Variants in PUDP observed in about 807,000 individuals in gnomAD.
PUDP encodes the protein pseudouridine-5'-phosphatase.
A neutral mutation model predicts 9.4 loss-of-function variants in PUDP; 8 were observed. The ratio of observed to expected loss-of-function variants is 0.85; its 90% CI spans 0.50 to 1.53. The LOEUF (loss-of-function observed/expected upper bound fraction) is 1.53, where lower values mean the gene tolerates loss of function less well. Ranked by LOEUF, PUDP falls within the 40% of genes most tolerant of loss-of-function variation. The pLI is 0.00. For missense variants in PUDP, 188 were observed against 189.7 expected, an observed-to-expected ratio of 0.99 and a Z score of 0.05; for synonymous variants, 99 against 80.7, an observed-to-expected ratio of 1.23 and a Z score of -1.22.
At chrX:7,122,345 A>C (rs1932366312) in intron 1 of PUDP, among the ~76,000 whole-genome samples, 1 of 111,423 alleles carries the variant, frequency 9.0e-6, no homozygotes, top group South Asian at 3.8e-4. Flanking sequence ...TCTCTCTCCC[A>C]TTTAAAAGCA....
intron 3 of PUDP, among the ~76,000 whole-genome samples, chrX:7,055,618 T>C (rs1310894335): frequency 6.3e-5 from 7 of 110,971 alleles, no homozygotes; most frequent in Non-Finnish European, 1.3e-4. Flanking sequence ...CACTTGTAAA[T>C]AGGACCACAC....
Position 6,990,167 on chromosome X carries a change from C to T in PUDP, c.205-11824G>A, listed in dbSNP as rs1197787800. On this transcript the variant is annotated intron_variant and NMD_transcript_variant, in intron 1 of 3. Transcript: ENST00000655425. ...CACACACACAAAGGCTGTTATCTCC[C>T]AACTTCCTGAGAAATGCTTATGCAG... is the stretch of plus-strand genomic sequence containing the variant. Among the ~76,000 whole-genome samples, 4 of 111,513 alleles carry T rather than the reference C, an allele frequency of 3.6e-5. No homozygotes were observed. In the Admixed American group the frequency reaches 3.8e-4, roughly 11 times the overall value.
intron 3 of PUDP, among the ~76,000 whole-genome samples, chrX:6,879,228 G>A (rs774358296): frequency 3.7e-4 from 41 of 112,183 alleles, no homozygotes; most frequent in African/African-American, 1.2e-3. Flanking sequence ...GGCCAAGGAG[G>A]ATAATGCTCA....
chrX:7,060,363 G>A (rs1254039381), intron 3 of PUDP, among the ~76,000 whole-genome samples: 1 of 112,140 alleles, frequency 8.9e-6, no homozygotes, highest in Non-Finnish European at 1.9e-5. Context: ...CCATATTAAC[G>A]TTCAATTCTA....
intron 3 of PUDP, among the ~76,000 whole-genome samples, chrX:6,925,999 A>C (rs1259856120): frequency 9.0e-6 from 1 of 111,464 alleles, no homozygotes; most frequent in Non-Finnish European, 1.9e-5. Flanking sequence ...CTGTATTTTA[A>C]CATGAATGCT....
At chrX:6,845,696 T>C (rs1342227826) in intron 3 of PUDP, among the ~76,000 whole-genome samples, 3 of 112,322 alleles carry the variant, frequency 2.7e-5, no homozygotes, top group Non-Finnish European at 5.6e-5. Flanking sequence ...CTCACTGATA[T>C]CTTGAAAGGA....
chrX:6,879,239 A>G (rs1927310439), intron 3 of PUDP, among the ~76,000 whole-genome samples: 1 of 112,217 alleles, frequency 8.9e-6, no homozygotes, highest in Non-Finnish European at 1.9e-5. Flanking sequence ...ATAATGCTCA[A>G]AAAGACTTCT....
intron 3 of PUDP, among the ~76,000 whole-genome samples, chrX:6,893,054 TA>T (rs1198720455): frequency 8.9e-6 from 1 of 112,641 alleles, no homozygotes. Flanking sequence ...AAAACTACTT[TA>T]TAAGGAATAC....
intron 3 of PUDP, among the ~76,000 whole-genome samples, chrX:6,895,609 A>C (rs1927579626): frequency 9.0e-6 from 1 of 111,033 alleles, no homozygotes; most frequent in African/African-American, 3.3e-5. Context: ...CCAAGGAATG[A>C]GTCAAATTGC....
At chrX:6,732,983 C>A (rs999167619) in intron 3 of PUDP, among the ~76,000 whole-genome samples, 10 of 111,896 alleles carry the variant, frequency 8.9e-5, no homozygotes, top group African/African-American at 2.9e-4. Context: ...CATTCAGGAA[C>A]GGTCTCTCAA....
chrX:6,822,892 TTTAAG>T (rs1926369491), intron 3 of PUDP, among the ~76,000 whole-genome samples: 1 of 110,536 alleles, frequency 9.0e-6, no homozygotes, highest in African/African-American at 3.3e-5. Context: ...TTCCCTGTTT[TTTAAG>T]TTTTCATTTC....
intron 3 of PUDP, among the ~76,000 whole-genome samples, chrX:6,793,458 G>A (rs4914921): frequency 0.14 from 15,791 of 111,390 alleles, 915 homozygotes; most frequent in East Asian, 0.26. Flanking sequence ...TGGGAATTAA[G>A]TTCCAACATT....
At chrX:7,075,428 C>T (rs1930864694) in intron 3 of PUDP, among the ~76,000 whole-genome samples, 1 of 111,499 alleles carries the variant, frequency 9.0e-6, no homozygotes, top group African/African-American at 3.3e-5. Flanking sequence ...TCGCTTGAAC[C>T]CGGGAGGTGG....
chrX:6,826,620 A>G (rs1027816849), intron 3 of PUDP, among the ~76,000 whole-genome samples: 1 of 112,409 alleles, frequency 8.9e-6, no homozygotes, highest in African/African-American at 3.2e-5. Context: ...GTGGATGTAC[A>G]ACGTAGCAAA....
intron 1 of PUDP, among the ~76,000 whole-genome samples, chrX:7,035,870 G>T (rs1331545737): frequency 8.9e-6 from 1 of 111,772 alleles, no homozygotes; most frequent in East Asian, 2.8e-4. Flanking sequence ...AGCTGTTTGG[G>T]TCATGGGGAC....
intron 3 of PUDP, among the ~76,000 whole-genome samples, chrX:6,744,370 T>C (rs1924973568): frequency 9.0e-6 from 1 of 111,615 alleles, no homozygotes; most frequent in Non-Finnish European, 1.9e-5. Flanking sequence ...AATTGAACAA[T>C]ATATAACAGC....
chrX:7,127,476 C>T (rs1165373612), intron 1 of PUDP, among the ~76,000 whole-genome samples: 1 of 112,222 alleles, frequency 8.9e-6, no homozygotes, highest in Non-Finnish European at 1.9e-5. Context: ...TGGAGAATTC[C>T]TCCCAAGTTC....
chrX:7,081,920 T>C (rs753479157), intron 2 of PUDP, among the ~76,000 whole-genome samples: 1 of 112,955 alleles, frequency 8.9e-6, no homozygotes, highest in East Asian at 2.8e-4. Context: ...AATCACCTGA[T>C]TCAAAACTGC....
At chrX:6,831,470 C>T (rs999022209) in intron 3 of PUDP, among the ~76,000 whole-genome samples, 8 of 111,997 alleles carry the variant, frequency 7.1e-5, no homozygotes, top group Non-Finnish European at 1.5e-4. Flanking sequence ...CAGGAATGAA[C>T]GAGGACAGCT....
Sources: gnomAD v4.1 joint callset for allele counts (sites outside exome capture counted in the v4.1 genomes callset) on GRCh38, gnomAD v4.1.1 for gene constraint, MANE v1.5 for transcripts, NCBI Gene and HGNC (gene_info 2026-07-23, HGNC 2026-07-21) for gene names.